The following CAPN3 variants were observed in gnomAD, a reference collection of about 807,000 sequenced individuals.
CAPN3 encodes the protein calpain 3.
A neutral mutation model predicts 114.0 loss-of-function variants in CAPN3; 88 were observed. The ratio of observed to expected loss-of-function variants is 0.77; its 90% confidence interval spans 0.65 to 0.92. The LOEUF (loss-of-function observed/expected upper bound fraction) is 0.92, where lower values mean the gene tolerates loss of function less well. Ranked by LOEUF, CAPN3 falls within the 40% of genes least tolerant of loss-of-function variation. The pLI is 0.00. For synonymous variants in CAPN3, 386 were observed against 382.9 expected (o/e 1.01, Z -0.09); for missense variants, 1,028 against 1,069.0 (o/e 0.96, Z 0.53).
At chr15:42,409,886 TC>T in intron 18 of CAPN3, 42 bp downstream of exon 18, 1 of 1,607,388 alleles carries the variant, frequency 6.2e-7, no homozygotes, top group Non-Finnish European at 8.5e-7. Flanking sequence ...GGGTGGGGAG[TC>T]CCGTTGTCTC....
At chr15:42,361,433 TG>T (rs1402987443) in intron 1 of CAPN3, among the ~76,000 whole-genome samples, 1 of 152,150 alleles carries the variant, frequency 6.6e-6, no homozygotes, top group African/African-American at 2.4e-5. Flanking sequence ...ATCATGCCAC[TG>T]CACTCCAGGC....
intron 1 of CAPN3, among the ~76,000 whole-genome samples, chr15:42,376,996 G>T (rs1455924770): frequency 6.6e-6 from 1 of 152,064 alleles, no homozygotes; most frequent in African/African-American, 2.4e-5. Context: ...AAAACTAATT[G>T]GTGTTTATAT....
At chr15:42,368,440 C>T (rs1048239288) in intron 1 of CAPN3, among the ~76,000 whole-genome samples, 1 of 152,146 alleles carries the variant, frequency 6.6e-6, no homozygotes, top group Non-Finnish European at 1.5e-5. Flanking sequence ...TGTTCACACA[C>T]AAGTTATAGT....
intron 1 of CAPN3, among the ~76,000 whole-genome samples, chr15:42,377,788 A>C (rs1198566940): frequency 6.6e-6 from 1 of 152,194 alleles, no homozygotes; most frequent in Non-Finnish European, 1.5e-5. Context: ...TAGTGAAACC[A>C]TCTGGTTCTG....
intron 1 of CAPN3, among the ~76,000 whole-genome samples, chr15:42,369,845 G>A (rs114375536): frequency 0.017 from 2,518 of 151,036 alleles, 72 homozygotes; most frequent in African/African-American, 0.059. Flanking sequence ...CTTGGCCATC[G>A]CATCAGCACT....
intron 16 of CAPN3, chr15:42,408,661 G>A (rs1251812690): frequency 2.7e-6 from 1 of 374,338 alleles, no homozygotes; most frequent in Non-Finnish European, 5.2e-6. Flanking sequence ...GTGGCCTTGA[G>A]CATTTCACAA....
In CAPN3 at chr15:42,412,236, GTTA is replaced by G; in HGVS notation, c.*464_*466del. 1 of 1,509,400 alleles carries G rather than the reference GTTA, an allele frequency of 6.6e-7. No homozygotes were observed. Among genetic ancestry groups the G allele is most frequent in the Non-Finnish European group, 8.9e-7 (1 of 1,124,844 alleles). 93.5% of individuals were successfully genotyped at this position (1,509,400 alleles called of 1,614,324 possible). Reference sequence around the variant, plus strand: ...AAACTAACTCAGTGGAATAGGGCTGGTTACTTTGGGCTGTCCAACTCATAAGTT... The same window carrying G: ...AAACTAACTCAGTGGAATAGGGCTGGCTTTGGGCTGTCCAACTCATAAGTT... On this transcript the variant is annotated 3_prime_UTR_variant, in exon 24 of 24. Transcript: ENST00000397163.
At chr15:42,408,446 T>A (rs1191379207) in intron 16 of CAPN3, 122 bp downstream of exon 16, 1 of 696,976 alleles carries the variant, frequency 1.4e-6, no homozygotes, top group African/African-American at 1.8e-5. Context: ...AGGTTTGAAT[T>A]TGTCCCACTG....
Position 42,392,725 on chromosome 15 carries a change from A to G in CAPN3, c.1029+3A>G, listed in dbSNP as rs28364442. On this transcript the variant is annotated splice_donor_region_variant and intron_variant, in intron 7 of 23. Transcript: ENST00000397163. The stretch of plus-strand genomic sequence containing the variant: ...ACTCTGTCACGGGGCTGGATGAGGT[A>G]AGCCTGGTGGGGCTTGGTGGGGCAA... The G allele has an allele frequency of 5.5e-3, 8,864 of 1,613,098 alleles. 436 individuals are homozygous for G. In the African/African-American group the frequency reaches 0.11, roughly 19 times the overall value.
Position 42,381,067 on chromosome 15 carries a change from G to T in CAPN3, c.310-3416G>T, listed in dbSNP as rs2053239050. Among the ~76,000 whole-genome samples, 4 of 151,820 alleles carry T rather than the reference G, an allele frequency of 2.6e-5. No individual in the cohort carries two copies. The South Asian group carries it at 6.3e-4, about 24-fold the overall frequency. The stretch of plus-strand genomic sequence containing the variant: ...GTATTACCATTTCCTTCCTTTCTTT[G>T]CTTATGACATTACTGTCATTTGTTT... On this transcript the variant is annotated intron_variant, in intron 1 of 23. Transcript: ENST00000397163.
At chr15:42,389,850 TTGTC>T (rs2053506852) in intron 5 of CAPN3, 99 bp from the exon 6 acceptor site, 1 of 1,220,398 alleles carries the variant, frequency 8.2e-7, no homozygotes, top group Non-Finnish European at 1.2e-6. Flanking sequence ...CTCTCTCCCT[TTGTC>T]TGTCCCATCT....
At chr15:42,368,073 A>G (rs1035204951) in intron 1 of CAPN3, among the ~76,000 whole-genome samples, 1 of 152,148 alleles carries the variant, frequency 6.6e-6, no homozygotes, top group Admixed American at 6.5e-5. Flanking sequence ...TACACAGCCA[A>G]TCCTTGTTAT....
At chr15:42,388,851 G>C in intron 4 of CAPN3, 77 bp from the exon 5 acceptor site, 2 of 1,215,390 alleles carry the variant, frequency 1.6e-6, no homozygotes, top group Non-Finnish European at 2.4e-6. Context: ...AAGAGGTAAA[G>C]TTCTGGTGGC....
At chr15:42,372,567 C>A (rs1171023216) in intron 1 of CAPN3, among the ~76,000 whole-genome samples, 1 of 152,098 alleles carries the variant, frequency 6.6e-6, no homozygotes, top group Non-Finnish European at 1.5e-5. Flanking sequence ...CTCATTCTTT[C>A]ACCCAGGCGG....
intron 1 of CAPN3, among the ~76,000 whole-genome samples, chr15:42,380,740 TATATATATATA>T (rs2053222666): frequency 1.6e-5 from 1 of 60,910 alleles, no homozygotes; most frequent in Admixed American, 1.5e-4. Flanking sequence ...TATATATATA[TATATATATATA>T]TTTTTTTTTT....
chr15:42,408,468 CA>C (rs1389853027), intron 16 of CAPN3, 144 bp downstream of exon 16: 2 of 657,730 alleles, frequency 3.0e-6, no homozygotes, highest in Admixed American at 4.2e-5. Context: ...CCTTTTCTTT[CA>C]GCAAGTTCCC....
intron 8 of CAPN3, among the ~76,000 whole-genome samples, chr15:42,395,281 G>T (rs1319300967): frequency 6.6e-6 from 1 of 152,146 alleles, no homozygotes; most frequent in African/African-American, 2.4e-5. Context: ...ACATTCTCAT[G>T]CCTTCCTTCA....
chr15:42,407,306 G>A (rs1055136534), intron 15 of CAPN3, among the ~76,000 whole-genome samples: 1 of 152,050 alleles, frequency 6.6e-6, no homozygotes, highest in Non-Finnish European at 1.5e-5. Flanking sequence ...ACCATTAAAG[G>A]ATGAGTAAAC....
chr15:42,410,155 T>C (rs940384145), intron 19 of CAPN3, among the ~76,000 whole-genome samples, 160 bp downstream of exon 19: 4 of 152,116 alleles, frequency 2.6e-5, no homozygotes, highest in African/African-American at 4.8e-5. Context: ...TGAAAGGGGT[T>C]GTTAGAGGCG....
Sources: gnomAD v4.1 joint callset for allele counts (sites outside exome capture counted in the v4.1 genomes callset) on GRCh38, gnomAD v4.1.1 for gene constraint, MANE v1.5 for transcripts, NCBI Gene and HGNC (gene_info 2026-07-23, HGNC 2026-07-21) for gene names.